PACSIN1: variants seen among roughly 807,000 people sequenced by gnomAD.
PACSIN1 encodes the protein protein kinase C and casein kinase substrate in neurons protein 1.
PACSIN1 carries 15 observed loss-of-function variants against 59.5 expected under a neutral mutation model. The observed-to-expected ratio is 0.25, with a 90% confidence interval of 0.17 to 0.39. PACSIN1 has a LOEUF of 0.39. Among genes scored for constraint, PACSIN1 ranks in the 10% least tolerant of loss-of-function variants. PACSIN1 has a pLI of 1.00. For missense variants in PACSIN1, 420 were observed against 580.2 expected, an observed-to-expected ratio of 0.72 and a Z score of 2.84; for synonymous variants, 210 against 220.6, an observed-to-expected ratio of 0.95 and a Z score of 0.42.
intron 1 of PACSIN1, among the ~76,000 whole-genome samples, chr6:34,480,120 C>T (rs925482695): frequency 1.3e-5 from 2 of 152,064 alleles, no homozygotes; most frequent in African/African-American, 4.8e-5. Context: ...GCCACCACTC[C>T]TGGCAACTAA....
chr6:34,470,069 G>A (rs550831355), intron 1 of PACSIN1, among the ~76,000 whole-genome samples: 1 of 152,206 alleles, frequency 6.6e-6, no homozygotes, highest in East Asian at 1.9e-4. Context: ...GACTGGGGTC[G>A]GGGGCTCCCC....
At chr6:34,497,430 G>A (rs1053111309) in intron 1 of PACSIN1, among the ~76,000 whole-genome samples, 23 of 151,654 alleles carry the variant, frequency 1.5e-4, no homozygotes, top group Middle Eastern at 3.4e-3. Context: ...TAAAGATGAG[G>A]AGGCACCGTG....
rs867115034 is a variant in PACSIN1 at position 34,532,469 on chromosome 6, G to A, written c.1274G>A (p.Arg425His). 2 of 1,576,252 alleles carry A rather than the reference G, an allele frequency of 1.3e-6. No homozygotes were observed. Among genetic ancestry groups the A allele is most frequent in the Non-Finnish European group, 1.7e-6 (2 of 1,160,562 alleles). ...GAGGAGGATGAGCAGGGCTGGTGCC[G>A]TGGGCGGCTGGACAGCGGGCAGCTG... ...LGEEDEQGWC[R>H]GRLDSGQLGL... The change falls in exon 10 of 10, where the codon CGT becomes CAT. Residue 425 changes from arginine (R) to histidine (H), a missense_variant. Physicochemically the swap from Arg to His is conservative, Grantham distance 29 (BLOSUM62 0). Coordinates refer to ENST00000244458, the MANE Select transcript of PACSIN1 (RefSeq NM_020804.5). This position sits in a 1 kb window ranked among gnomAD's most constrained non-coding sequence, Gnocchi z 5.2.
intron 1 of PACSIN1, among the ~76,000 whole-genome samples, chr6:34,467,557 T>TC (rs943311532): frequency 7.0e-6 from 1 of 142,244 alleles, no homozygotes; most frequent in African/African-American, 2.6e-5. Context: ...CCCTTCCTTT[T>TC]TTTTTTTTTT....
intron 1 of PACSIN1, among the ~76,000 whole-genome samples, chr6:34,501,315 C>G (rs995207924): frequency 6.6e-6 from 1 of 152,172 alleles, no homozygotes; most frequent in South Asian, 2.1e-4. Flanking sequence ...ACAGGGGATT[C>G]CTTGGGTGAA....
chr6:34,471,481 T>C (rs1766570654), intron 1 of PACSIN1, among the ~76,000 whole-genome samples: 1 of 152,252 alleles, frequency 6.6e-6, no homozygotes, highest in South Asian at 2.1e-4. Context: ...TTGTGGATTT[T>C]GGCTCCTTAG....
At chr6:34,466,409 A>G in intron 1 of PACSIN1, 139 bp downstream of exon 1, 1 of 152,598 alleles carries the variant, frequency 6.6e-6, no homozygotes, top group Non-Finnish European at 1.5e-5. Context: ...AGTTGCCTGG[A>G]GAGAAGCGGG....
chr6:34,472,271 CAAAAAAAAAAAAAA>C (rs61560626), intron 1 of PACSIN1, among the ~76,000 whole-genome samples: 2 of 78,292 alleles, frequency 2.6e-5, no homozygotes, highest in Admixed American at 3.5e-4. Context: ...GACTCTGTCT[CAAAAAAAAAAAAAA>C]AAAAAAAAAG....
intron 1 of PACSIN1, among the ~76,000 whole-genome samples, chr6:34,503,703 T>C (rs148101631): frequency 4.6e-5 from 7 of 152,312 alleles, no homozygotes; most frequent in African/African-American, 1.7e-4. Flanking sequence ...TGTACTATCA[T>C]TGCTCTCACG....
intron 1 of PACSIN1, among the ~76,000 whole-genome samples, chr6:34,502,392 C>A (rs1370863343): frequency 6.6e-6 from 1 of 151,482 alleles, no homozygotes; most frequent in Non-Finnish European, 1.5e-5. Flanking sequence ...CAGGGACAAG[C>A]ATCCAGCCAA....
rs1767470480 is a variant in PACSIN1, at chr6:34,525,751, C to G, written c.-63-492C>G. Among the ~76,000 whole-genome samples, 5 of 152,268 alleles carry G rather than the reference C, an allele frequency of 3.3e-5. No homozygotes were observed. The highest frequency in any genetic ancestry group is 2.6e-4 in the Admixed American group (4 of 15,302). ...CCTGCCGACAGATCCAGGGCAGACA[C>G]AGCCACCCCAGACGCTCCCATAGAT... On this transcript the variant is annotated intron_variant, in intron 1 of 9. Coordinates refer to ENST00000244458, the MANE Select transcript of PACSIN1 (RefSeq NM_020804.5). The surrounding 1 kb of genome is among the most constrained non-coding windows in gnomAD (Gnocchi z 4.9).
chr6:34,493,914 G>A (rs1766912291), intron 1 of PACSIN1, among the ~76,000 whole-genome samples: 1 of 152,220 alleles, frequency 6.6e-6, no homozygotes. Flanking sequence ...GGAAGCAGCT[G>A]CTTTGACTTG....
intron 1 of PACSIN1, among the ~76,000 whole-genome samples, chr6:34,484,764 T>C (rs1766767529): frequency 6.6e-6 from 1 of 151,988 alleles, no homozygotes; most frequent in Non-Finnish European, 1.5e-5. Context: ...CTAAAACTGC[T>C]CTAAAAAATA....
At position 34,530,583 on chromosome 6, in the gene PACSIN1, G is replaced by A. The variant is rs765933304; in HGVS notation, c.1033G>A (p.Gly345Ser). ...GTCCACATCCCAGGCTGGGGACCGCGGCAGGTGAGTGCCTCCTGTGGAGCT... is the reference window on the plus strand; with the variant it reads ...GTCCACATCCCAGGCTGGGGACCGCAGCAGGTGAGTGCCTCCTGTGGAGCT... ...VESTSQAGDR[G>S]SVSSYDRGQP... Residue 345 changes from glycine to serine, a missense_variant, in exon 8 of 10, where the codon GGC becomes AGC. Transcript: ENST00000244458. This position sits in a 1 kb window ranked among gnomAD's most constrained non-coding sequence, Gnocchi z 4.4. 1.4e-5 allele frequency: 22 copies of A among 1,573,836 alleles called. No homozygotes were observed. The highest frequency in any genetic ancestry group is 6.8e-5 in the African/African-American group (5 of 73,200).
At position 34,516,801 on chromosome 6, in the gene PACSIN1, C is replaced by G. The variant is rs1239883386; in HGVS notation, c.-63-9442C>G. On this transcript the variant is annotated intron_variant, in intron 1 of 9. Transcript: ENST00000244458. This position sits in a 1 kb window ranked among gnomAD's most constrained non-coding sequence, Gnocchi z 5.4. ...GCCCAATTCATTGCACACAACGTGC[C>G]CACAGCCCAGGGCACCTGCCTGGAA... Among the ~76,000 whole-genome samples, 1 of 152,200 alleles carries G rather than the reference C, an allele frequency of 6.6e-6. No homozygotes were observed. Among genetic ancestry groups the G allele is most frequent in the Non-Finnish European group, 1.5e-5 (1 of 68,032 alleles).
intron 1 of PACSIN1, among the ~76,000 whole-genome samples, chr6:34,504,859 T>C (rs1767085192): frequency 6.6e-6 from 1 of 152,214 alleles, no homozygotes; most frequent in Non-Finnish European, 1.5e-5. Context: ...ATATTTTCTC[T>C]GGATATATGG....
In PACSIN1 at chr6:34,529,961, CAAG is replaced by C; in HGVS notation, c.788+124_788+126del. The C allele has an allele frequency of 8.5e-7, 1 of 1,180,736 alleles. No homozygotes were observed. Among genetic ancestry groups the C allele is most frequent in the Admixed American group, 2.2e-5 (1 of 45,690 alleles). 73.1% of individuals were successfully genotyped at this position (1,180,736 alleles called of 1,614,324 possible). ...GAAGGGGAGGCAGAGCTGCAGGGGT[CAAG>C]AAGGATGAGGCTTCAAACACAGGGG... is the stretch of plus-strand genomic sequence containing the variant. On this transcript the variant is annotated intron_variant, in intron 6 of 9. Coordinates refer to ENST00000244458, the MANE Select transcript of PACSIN1 (RefSeq NM_020804.5). This position sits in a 1 kb window ranked among gnomAD's most constrained non-coding sequence, Gnocchi z 6.3.
intron 1 of PACSIN1, among the ~76,000 whole-genome samples, chr6:34,490,677 T>G (rs1053383960): frequency 7.9e-5 from 12 of 152,218 alleles, no homozygotes; most frequent in Non-Finnish European, 1.5e-4. Flanking sequence ...CTTAGGGGCT[T>G]TCCCGTTGGC....
intron 1 of PACSIN1, among the ~76,000 whole-genome samples, chr6:34,520,166 A>G (rs530824778): frequency 2.0e-5 from 3 of 152,242 alleles, no homozygotes; most frequent in Non-Finnish European, 2.9e-5. Context: ...TCTAGTGGAC[A>G]CGGTGCATCT....
Sources: gnomAD v4.1 joint callset for allele counts (sites outside exome capture counted in the v4.1 genomes callset) on GRCh38, gnomAD v4.1.1 for gene constraint, Gnocchi (gnomAD v3.1) non-coding constraint, MANE v1.5 for transcripts, NCBI Gene and HGNC (gene_info 2026-07-23, HGNC 2026-07-21) for gene names.